ALMS1: variants seen among roughly 807,000 people sequenced by gnomAD.
ALMS1 encodes the protein ALMS1 centrosome and basal body associated protein, also known as centrosome-associated protein ALMS1.
Under a neutral mutation model 352.2 loss-of-function variants are expected in ALMS1, and 271 were observed. The ratio of observed to expected loss-of-function variants is 0.77; its 90% CI spans 0.70 to 0.85. The LOEUF (loss-of-function observed/expected upper bound fraction) is 0.85. Among genes scored for constraint, ALMS1 ranks in the 40% least tolerant of loss-of-function variants. The pLI is 0.00. For synonymous variants in ALMS1, 1,865 were observed against 1,761.2 expected, an observed-to-expected ratio of 1.06 and a Z score of -1.48; for missense variants, 5,445 against 4,870.7, an observed-to-expected ratio of 1.12 and a Z score of -3.51.
intron 7 of ALMS1, among the ~76,000 whole-genome samples, chr2:73,437,757 C>T (rs7577699): frequency 0.044 from 6,644 of 152,130 alleles, 363 homozygotes; most frequent in African/African-American, 0.11. Flanking sequence ...TCTGAAACTG[C>T]GAGGTCCTCA....
chr2:73,609,680 T>C lies in ALMS1; in HGVS notation c.*68T>C. 6.9e-7 allele frequency: 1 copy of C among 1,448,000 alleles called. No homozygotes were observed. The highest frequency in any genetic ancestry group is 9.7e-7 in the Non-Finnish European group (1 of 1,029,010). The allele number at this position is 1,448,000 out of a possible 1,614,324, so 89.7% of individuals were successfully genotyped here. The stretch of plus-strand genomic sequence containing the variant: ...AACCTAGAGAAGCAGAATCCTTACT[T>C]TTGTGAGTCTGGTTGAATAAAGCTT... On this transcript the variant is annotated 3_prime_UTR_variant, in exon 23 of 23. Coordinates refer to ENST00000613296, the MANE Select transcript of ALMS1 (RefSeq NM_001378454.1).
At chr2:73,603,665 G>C in intron 21 of ALMS1, 2 of 285,076 alleles carry the variant, frequency 7.0e-6, no homozygotes, top group South Asian at 7.0e-5. Context: ...TTCGAGACCA[G>C]CCTGGCCAAC....
rs1336390903 is a variant in ALMS1 at position 73,471,075 on chromosome 2, T to C, written c.7674+15780T>C. 3.9e-5 allele frequency: 6 copies of C among 151,900 alleles called. No individual in the cohort carries two copies. The East Asian group carries it at 1.2e-3, about 29-fold the overall frequency. 9.4% of individuals were successfully genotyped at this position (151,900 alleles called of 1,614,324 possible). On this transcript the variant is annotated intron_variant, in intron 9 of 22. Coordinates refer to ENST00000613296, the MANE Select transcript of ALMS1 (RefSeq NM_001378454.1). ...CACTATATGTTTTTTGATTAGGGAG[T>C]TTACTCCATTTACATTAAAGTAATT...
rs61741524 is a variant in ALMS1 at position 73,600,830 on chromosome 2, G to A, written c.11821G>A (p.Gly3941Ser). The change falls in exon 18 of 23, where the codon GGT becomes AGT. Residue 3941 changes from glycine to serine, a missense_variant. By Grantham distance (56) the Gly-to-Ser change is moderately conservative (BLOSUM62 0). Transcript: ENST00000613296. ...EKREEKMLFT[G>S]YPEDRKLKKN... ...ACGTGAAGAGAAAATGCTCTTTACC[G>A]GTTATCCTGAGGACAGAAAGTTAAA... The A allele has an allele frequency of 8.5e-4, 1,375 of 1,614,176 alleles. 16 individuals are homozygous for A. The African/African-American group carries it at 0.013, about 15-fold the overall frequency.
At position 73,489,870 on chromosome 2, in the gene ALMS1, C is replaced by T. The variant is rs751995271; in HGVS notation, c.7911C>T (p.Asn2637=). The T allele has an allele frequency of 1.2e-6, 2 of 1,614,192 alleles. No homozygotes were observed. Among genetic ancestry groups the T allele is most frequent in the East Asian group, 2.2e-5 (1 of 44,890 alleles). Residue 2637 remains asparagine (N), a synonymous_variant, in exon 10 of 23, where the codon AAC becomes AAT. Transcript: ENST00000613296. ...VNLSASLDQN[N]SHFKVWNSLQ... ...TTTCTGCATCCTTAGACCAGAACAA[C>T]TCCCATTTCAAAGTTTGGAATTCCT...
chr2:73,493,465 G>C (rs1673034711), intron 10 of ALMS1, among the ~76,000 whole-genome samples: 1 of 151,764 alleles, frequency 6.6e-6, no homozygotes, highest in African/African-American at 2.4e-5. Flanking sequence ...GCTCACACCT[G>C]TAATCCCAGC....
intron 17 of ALMS1, among the ~76,000 whole-genome samples, chr2:73,600,287 T>A (rs920622824): frequency 3.3e-5 from 5 of 152,164 alleles, no homozygotes; most frequent in Non-Finnish European, 7.4e-5. Flanking sequence ...TAAATAAACT[T>A]TCATCTTGAT....
In ALMS1 at chr2:73,448,947, C is replaced by G. The variant is rs372717861; in HGVS notation, c.2420C>G (p.Pro807Arg). The change falls in exon 8 of 23, where the codon CCC (proline) becomes CGC (arginine). Residue 807 changes from proline to arginine, a missense_variant. By Grantham distance (103) the Pro-to-Arg change is moderately radical (BLOSUM62 -2). Transcript: ENST00000613296. ...CAGAAGACTGGCCTACCAACAGTAC[C>G]CTCTAGTGCATACTCACACAGAGAG... ...ADQKTGLPTVPSSAYSHREKL... is the reference protein window; with the variant it reads ...ADQKTGLPTVRSSAYSHREKL... The G allele has an allele frequency of 1.1e-5, 18 of 1,613,984 alleles. No individual in the cohort carries two copies. Among genetic ancestry groups the G allele is most frequent in the Admixed American group, 5.0e-5 (3 of 60,014 alleles).
At chr2:73,560,996 GGGAT>G (rs1674649415) in intron 15 of ALMS1, among the ~76,000 whole-genome samples, 1 of 152,226 alleles carries the variant, frequency 6.6e-6, no homozygotes, top group South Asian at 2.1e-4. Context: ...TTCACAAAAG[GGGAT>G]GGGCTAGCTT....
chr2:73,446,826 C>T (rs920966022), intron 7 of ALMS1, among the ~76,000 whole-genome samples: 1 of 152,096 alleles, frequency 6.6e-6, no homozygotes, highest in African/African-American at 2.4e-5. Context: ...AATTTCAGGT[C>T]CCACCCAGAC....
In ALMS1 at chr2:73,402,117, G is replaced by A. The variant is rs140221141; in HGVS notation, c.325-6505G>A. ...ATCAATGGATGCTGTAGTTGTGTTC[G>A]TGGCTATTGTGATAATGCTGCAGTG... On this transcript the variant is annotated intron_variant, in intron 1 of 22. Transcript: ENST00000613296. Among the ~76,000 whole-genome samples, 893 of 151,890 alleles carry A rather than the reference G, an allele frequency of 5.9e-3. 10 individuals carry two copies. The highest frequency in any genetic ancestry group is 0.037 in the Middle Eastern group (11 of 294).
intron 10 of ALMS1, among the ~76,000 whole-genome samples, chr2:73,501,125 AT>A (rs1673210499): frequency 6.6e-6 from 1 of 152,162 alleles, no homozygotes; most frequent in South Asian, 2.1e-4. Flanking sequence ...TCTCTTGCCC[AT>A]TTGCATGATT....
At chr2:73,534,171 A>C (rs766271032) in intron 11 of ALMS1, among the ~76,000 whole-genome samples, 5 of 152,174 alleles carry the variant, frequency 3.3e-5, no homozygotes, top group Non-Finnish European at 5.9e-5. Flanking sequence ...TTGTAAACAA[A>C]TAAAAAACAG....
At position 73,534,754 on chromosome 2, in the gene ALMS1, G is replaced by A. The variant is rs3738848; in HGVS notation, c.9782-70G>A. 387,262 of 1,516,608 alleles carry A rather than the reference G, an allele frequency of 0.26. 61,405 individuals carry two copies. The highest frequency in any genetic ancestry group is 0.74 in the African/African-American group (54,125 of 72,782). The allele number at this position is 1,516,608 out of a possible 1,614,324, so 93.9% of individuals were successfully genotyped here. The stretch of plus-strand genomic sequence containing the variant: ...ATGAACACTGCCTGAAACATAGAAG[G>A]CATTCCATATTTGTTCAATGAATTA... On this transcript the variant is annotated intron_variant, in intron 11 of 22. Coordinates refer to ENST00000613296, the MANE Select transcript of ALMS1 (RefSeq NM_001378454.1).
chr2:73,457,100 TAAA>T (rs993560639), intron 9 of ALMS1: 1 of 151,898 alleles, frequency 6.6e-6, no homozygotes, highest in Non-Finnish European at 1.5e-5. Context: ...AATTGGGCAT[TAAA>T]AAAAACCATG....
rs997006650 is a variant in ALMS1, at chr2:73,558,867, C to T, written c.10214-105C>T. On this transcript the variant is annotated intron_variant, in intron 14 of 22. Transcript: ENST00000613296. ...GCATTTCTGAGTCATCTTTTTTCTT[C>T]AATATCAGTAACAAAGCCTTTCACA... 2.7e-5 allele frequency: 33 copies of T among 1,245,146 alleles called. No homozygotes were observed. The Admixed American group carries it at 7.8e-4, about 30-fold the overall frequency. The allele number at this position is 1,245,146 out of a possible 1,614,324, so 77.1% of individuals were successfully genotyped here. A position where few individuals can be genotyped will look rare whatever the true frequency, so the allele number is the denominator to read the frequency against.
intron 10 of ALMS1, among the ~76,000 whole-genome samples, chr2:73,497,003 TGTC>T (rs1264856289): frequency 1.3e-5 from 2 of 152,196 alleles, no homozygotes; most frequent in African/African-American, 4.8e-5. Flanking sequence ...GTATGCGACT[TGTC>T]TTCTTATCCT....
chr2:73,479,772 T>C (rs2103861554), intron 9 of ALMS1, among the ~76,000 whole-genome samples: 1 of 152,292 alleles, frequency 6.6e-6, no homozygotes, highest in South Asian at 2.1e-4. Flanking sequence ...TAGTTGCATG[T>C]TTAGTTTTTT....
chr2:73,410,427 T>C (rs1032944745), intron 2 of ALMS1, among the ~76,000 whole-genome samples: 1 of 151,934 alleles, frequency 6.6e-6, no homozygotes, highest in Admixed American at 6.6e-5. Context: ...AAACAAAAAA[T>C]ACCACACACA....
Sources: gnomAD v4.1 joint callset for allele counts (sites outside exome capture counted in the v4.1 genomes callset) on GRCh38, gnomAD v4.1.1 for gene constraint, MANE v1.5 for transcripts, NCBI Gene and HGNC (gene_info 2026-07-23, HGNC 2026-07-21) for gene names.